The following RPS10 variants were observed in gnomAD, a reference collection of about 807,000 sequenced individuals.
RPS10 encodes ribosomal protein S10.
In RPS10, 2 loss-of-function variants were observed where a neutral mutation model predicts 22.6. That is an observed-to-expected ratio of 0.09 (90% confidence interval 0.04 to 0.28). The LOEUF (loss-of-function observed/expected upper bound fraction) is 0.28, where lower values mean the gene tolerates loss of function less well. RPS10 is among the 10% of genes least tolerant of loss of function. The probability of loss-of-function intolerance (pLI) is 1.00; values close to 1 mark genes in which losing one functional copy is unlikely to be tolerated. For synonymous variants in RPS10, 70 were observed against 75.9 expected (o/e 0.92, Z 0.40); for missense variants, 137 against 222.2 (o/e 0.62, Z 2.44).
intron 4 of RPS10, 105 bp downstream of exon 4, chr6:34,421,624 GT>G: frequency 7.9e-7 from 1 of 1,262,602 alleles, no homozygotes; most frequent in South Asian, 1.2e-5. Flanking sequence ...ATCTTTCCTG[GT>G]CATTTTGTCA....
chr6:34,418,086 C>G, intron 5 of RPS10: 1 of 1,201,076 alleles, frequency 8.3e-7, no homozygotes, highest in Non-Finnish European at 1.1e-6. Flanking sequence ...TTCTTAAGCC[C>G]ACCCACCTTC....
intron 3 of RPS10, chr6:34,424,369 T>C (rs1436379643): frequency 1.7e-5 from 7 of 403,226 alleles, no homozygotes; most frequent in South Asian, 1.6e-4. Context: ...TCGGGAATAG[T>C]ACAACGCACT....
Position 34,421,776 on chromosome 6 carries a change from T to A in RPS10, c.354A>T (p.Thr118=). The change falls in exon 4 of 6, where the codon ACA becomes ACT. Residue 118 remains threonine (T), a synonymous_variant. Transcript: ENST00000648437. ...AGGTATCTCTGTCAGCTTCCCCTCT[T>A]GTGAGTCTCGCAGGTCGCTCACCCT... ...GLEGERPARL[T]RGEADRDTYR... 2 of 1,613,960 alleles carry A rather than the reference T, an allele frequency of 1.2e-6. No homozygotes were observed. The highest frequency in any genetic ancestry group is 1.7e-6 in the Non-Finnish European group (2 of 1,179,870).
At chr6:34,419,894 G>A (rs1024276320) in intron 4 of RPS10, among the ~76,000 whole-genome samples, 2 of 151,864 alleles carry the variant, frequency 1.3e-5, no homozygotes, top group African/African-American at 4.8e-5. Flanking sequence ...TATTTGAGTT[G>A]GTGCGGGGGG....
chr6:34,422,669 G>C (rs1765808037), intron 3 of RPS10, among the ~76,000 whole-genome samples: 3 of 152,062 alleles, frequency 2.0e-5, no homozygotes, highest in Non-Finnish European at 4.4e-5. Context: ...ATGTTAGACA[G>C]GCTGGTCTTG....
intron 3 of RPS10, 31 bp from the exon 4 acceptor site, chr6:34,421,838 G>C (rs759947578): frequency 1.2e-6 from 2 of 1,613,260 alleles, no homozygotes; most frequent in Non-Finnish European, 1.7e-6. Flanking sequence ...TGTGAACACA[G>C]GGCAATGTGA....
chr6:34,417,980 C>T (rs576018222), intron 5 of RPS10: 59 of 704,842 alleles, frequency 8.4e-5, no homozygotes, highest in Non-Finnish European at 1.3e-4. Flanking sequence ...TAATTATCAC[C>T]TTATTTTATA....
At chr6:34,417,856 T>A (rs1452716205) in intron 5 of RPS10, 1 of 718,444 alleles carries the variant, frequency 1.4e-6, no homozygotes, top group Non-Finnish European at 2.6e-6. Flanking sequence ...GCTTCCTTTT[T>A]ACAAATGACA....
At chr6:34,425,005 TCCATCCCATC>T in intron 2 of RPS10, 57 bp downstream of exon 2, 1 of 1,610,546 alleles carries the variant, frequency 6.2e-7, no homozygotes, top group Non-Finnish European at 8.5e-7. Context: ...TCCATCCCAT[TCCATCCCATC>T]CCGGGATGGG....
In RPS10 at chr6:34,417,511, G is replaced by C. The variant is rs778794141; in HGVS notation, c.493C>G (p.Gln165Glu). The C allele has an allele frequency of 1.3e-5, 21 of 1,612,268 alleles. No homozygotes were observed. Among genetic ancestry groups the C allele is most frequent in the Admixed American group, 3.3e-5 (2 of 59,982 alleles). ...GFGRGRGQPP[Q>E] ...CAAAAGAATCCTCTCCAATTTTACTGAGGTGGCTGACCACGTCCACGACCA... is the reference window on the plus strand; with the variant it reads ...CAAAAGAATCCTCTCCAATTTTACTCAGGTGGCTGACCACGTCCACGACCA... The change falls in exon 6 of 6, where the codon CAG becomes GAG. Residue 165 changes from glutamine to glutamate, a missense_variant. Physicochemically the swap from Gln to Glu is conservative, Grantham distance 29. Transcript: ENST00000648437.
chr6:34,425,251 C>T (rs1473122005), intron 1 of RPS10, 30 bp from the exon 2 acceptor site: 2 of 1,586,244 alleles, frequency 1.3e-6, no homozygotes, highest in African/African-American at 1.3e-5. Context: ...GTCAAGAGCA[C>T]TTCTGAGTAA....
chr6:34,418,048 T>TG lies in RPS10; in HGVS notation c.456+320dup, dbSNP rs1765636704. ...TAACATTACATCAACTGAAAAAAGA[T>TG]GGAGGATTTGATTTCATACCATCTT... On this transcript the variant is annotated intron_variant, in intron 5 of 5. Coordinates refer to ENST00000648437, the MANE Select transcript of RPS10 (RefSeq NM_001014.5). The TG allele has an allele frequency of 1.5e-5, 12 of 794,880 alleles. No homozygotes were observed. The Admixed American group carries it at 1.6e-4, about 11-fold the overall frequency. The allele number at this position is 794,880 out of a possible 1,614,324, so 49.2% of individuals were successfully genotyped here.
Position 34,425,092 on chromosome 6 carries a change from G to A in RPS10, c.130C>T (p.His44Tyr), listed in dbSNP as rs1765909846. 8 of 1,612,664 alleles carry A rather than the reference G, an allele frequency of 5.0e-6. No individual in the cohort carries two copies. The highest frequency in any genetic ancestry group is 6.8e-6 in the Non-Finnish European group (8 of 1,179,968). ...ELADKNVPNL[H>Y]VMKAMQSLKS... ...CCTACCTGCATGGCCTTCATGACAT[G>A]AAGGTTGGGCACATTCTTGTCTGCC... The change falls in exon 2 of 6, where the codon CAT becomes TAT. Residue 44 changes from histidine to tyrosine, a missense_variant. Physicochemically the swap from His to Tyr is moderately conservative, Grantham distance 83. Coordinates refer to ENST00000648437, the MANE Select transcript of RPS10 (RefSeq NM_001014.5).
intron 2 of RPS10, 40 bp from the exon 3 acceptor site, chr6:34,424,880 G>A: frequency 1.2e-6 from 2 of 1,613,340 alleles, no homozygotes; most frequent in East Asian, 2.2e-5. Flanking sequence ...TTAAGTAGAA[G>A]CTTGGATCAT....
intron 2 of RPS10, 35 bp downstream of exon 2, chr6:34,425,037 G>A (rs749062882): frequency 4.3e-6 from 7 of 1,611,642 alleles, no homozygotes; most frequent in Non-Finnish European, 5.9e-6. Context: ...TCCCGGGGAG[G>A]AAGATCCATC....
In RPS10 at chr6:34,418,919, G is replaced by A. The variant is rs1581923351; in HGVS notation, c.401-495C>T. 2.6e-5 allele frequency among the ~76,000 whole-genome samples: 4 copies of A among 152,068 alleles called. 1 individual carries two copies. The highest frequency in any genetic ancestry group is 9.7e-5 in the African/African-American group (4 of 41,360). ...AGACAGGGTCTTACTCTGTCACCCA[G>A]GATGGAGTGCAGTGGTACGATCTCA... is the stretch of plus-strand genomic sequence containing the variant. On this transcript the variant is annotated intron_variant, in intron 4 of 5. Coordinates refer to ENST00000648437, the MANE Select transcript of RPS10 (RefSeq NM_001014.5).
chr6:34,425,282 C>T (rs1447612773), intron 1 of RPS10, 61 bp from the exon 2 acceptor site: 2 of 1,547,516 alleles, frequency 1.3e-6, no homozygotes, highest in African/African-American at 1.4e-5. Context: ...GCCCGGTAAT[C>T]AAGTTCTTGA....
At chr6:34,422,878 C>A (rs1329719187) in intron 3 of RPS10, among the ~76,000 whole-genome samples, 1 of 151,282 alleles carries the variant, frequency 6.6e-6, no homozygotes, top group Non-Finnish European at 1.5e-5. Flanking sequence ...GCCAGGAGTT[C>A]AAGAACAACC....
chr6:34,417,595 A>G, intron 5 of RPS10, 48 bp from the exon 6 acceptor site: 1 of 1,603,612 alleles, frequency 6.2e-7, no homozygotes. Context: ...CTCTGGTTTG[A>G]TCTTTGGAGG....
Sources: gnomAD v4.1 joint callset for allele counts (sites outside exome capture counted in the v4.1 genomes callset) on GRCh38, gnomAD v4.1.1 for gene constraint, MANE v1.5 for transcripts, NCBI Gene and HGNC (gene_info 2026-07-23, HGNC 2026-07-21) for gene names.